Variants in AIM2 observed in about 807,000 individuals in gnomAD.
AIM2 encodes the protein absent in melanoma 2, also known as interferon-inducible protein AIM2.
Under a neutral mutation model 27.7 loss-of-function variants are expected in AIM2, and 30 were observed. The observed-to-expected ratio is 1.08, with a 90% CI of 0.81 to 1.47. AIM2 has a LOEUF of 1.47. Among genes scored for constraint, AIM2 ranks in the 40% most tolerant of loss-of-function variants. The pLI is 0.00. For missense variants in AIM2, 358 were observed against 411.3 expected (o/e 0.87, Z 1.12); for synonymous variants, 141 against 145.3 (o/e 0.97, Z 0.21).
chr1:159,128,930 C>T (rs188079651), intron 1 of AIM2, among the ~76,000 whole-genome samples: 14 of 152,298 alleles, frequency 9.2e-5, no homozygotes, highest in Non-Finnish European at 1.5e-4. Context: ...ATCAAGTCCA[C>T]TTGTCAGAAA....
upstream of AIM2, among the ~76,000 whole-genome samples, chr1:159,079,601 T>G (rs1163277106): frequency 1.3e-5 from 2 of 152,182 alleles, no homozygotes; most frequent in African/African-American, 2.4e-5. Context: ...AAAATTGAGC[T>G]GAAGGTACAG....
intron 3 of AIM2, among the ~76,000 whole-genome samples, chr1:159,067,361 T>C (rs1486831569): frequency 6.6e-6 from 1 of 152,204 alleles, no homozygotes; most frequent in African/African-American, 2.4e-5. Context: ...ATACTACTTT[T>C]TAAAAGCCAC....
chr1:159,115,709 G>C (rs940986619), intron 1 of AIM2, among the ~76,000 whole-genome samples: 1 of 152,136 alleles, frequency 6.6e-6, no homozygotes, highest in Non-Finnish European at 1.5e-5. Flanking sequence ...TTAAATGTTA[G>C]ACCTAAAACC....
chr1:159,135,902 T>C (rs1246356287), intron 1 of AIM2, among the ~76,000 whole-genome samples: 1 of 152,186 alleles, frequency 6.6e-6, no homozygotes, highest in Non-Finnish European at 1.5e-5. Flanking sequence ...CATTTGTTTT[T>C]AGTCTAATTC....
chr1:159,064,049 T>C (rs947651092), intron 4 of AIM2, among the ~76,000 whole-genome samples: 6 of 152,322 alleles, frequency 3.9e-5, no homozygotes, highest in Admixed American at 2.0e-4. Flanking sequence ...CAAAAATATG[T>C]GTTAAGTGAC....
the AIM2 span, chr1:159,055,136 T>C: frequency 6.2e-6 from 2 of 321,968 alleles, no homozygotes; most frequent in Admixed American, 4.5e-5. Context: ...AAATAAACAT[T>C]ATCTTTTTTG....
chr1:159,144,778 A>G (rs1172393086), upstream of AIM2, among the ~76,000 whole-genome samples: 1 of 152,186 alleles, frequency 6.6e-6, no homozygotes, highest in Non-Finnish European at 1.5e-5. Flanking sequence ...TGGGATACAT[A>G]TGATAAATGC....
intron 1 of AIM2, among the ~76,000 whole-genome samples, chr1:159,100,087 T>C (rs571390353): frequency 2.0e-5 from 3 of 152,216 alleles, no homozygotes; most frequent in Non-Finnish European, 4.4e-5. Context: ...AAAATCATCA[T>C]GCAAAGTAAA....
intron 4 of AIM2, among the ~76,000 whole-genome samples, chr1:159,063,918 A>C (rs540390408): frequency 9.2e-5 from 14 of 152,362 alleles, no homozygotes; most frequent in Admixed American, 3.3e-4. Context: ...GAGGATGAAG[A>C]ACTTTATGAT....
chr1:159,092,981 G>C (rs1176759172), intron 1 of AIM2, among the ~76,000 whole-genome samples: 1 of 151,810 alleles, frequency 6.6e-6, no homozygotes, highest in African/African-American at 2.4e-5. Context: ...AGCCAAGATC[G>C]CGCCACTACA....
intron 1 of AIM2, among the ~76,000 whole-genome samples, chr1:159,146,431 G>T (rs1161900733): frequency 6.6e-6 from 1 of 151,764 alleles, no homozygotes. Flanking sequence ...TTTTCTTCTT[G>T]CCATCCCCAT....
At chr1:159,124,913 C>G (rs527462229) in intron 1 of AIM2, among the ~76,000 whole-genome samples, 1 of 152,370 alleles carries the variant, frequency 6.6e-6, no homozygotes, top group Admixed American at 6.5e-5. Flanking sequence ...TCTTTCCAAA[C>G]CACATCAAGC....
chr1:159,103,967 TC>T (rs1278180852), intron 1 of AIM2, among the ~76,000 whole-genome samples: 16 of 151,188 alleles, frequency 1.1e-4, no homozygotes, highest in Admixed American at 9.3e-4. Context: ...GCTATTATTT[TC>T]CCCCAGGATG....
At chr1:159,142,853 T>G (rs1292233130), upstream of AIM2, among the ~76,000 whole-genome samples, 2 of 152,148 alleles carry the variant, frequency 1.3e-5, no homozygotes, top group Non-Finnish European at 2.9e-5. Context: ...CCCAGACACA[T>G]GGGAATAATT....
chr1:159,081,720 A>G, upstream of AIM2: 1 of 223,106 alleles, frequency 4.5e-6, no homozygotes. Context: ...CTTTAAAAAA[A>G]GTCTAAAAGG....
At chr1:159,071,639 A>T (rs1570944289) in intron 2 of AIM2, among the ~76,000 whole-genome samples, 1 of 152,304 alleles carries the variant, frequency 6.6e-6, no homozygotes, top group East Asian at 1.9e-4. Flanking sequence ...CCTCCCAAGT[A>T]GCTGGCATTA....
rs757411702 is a variant in AIM2, at chr1:159,066,330, C to T, written c.397-1G>A. 4.4e-6 allele frequency: 7 copies of T among 1,603,936 alleles called. No individual in the cohort carries two copies. In the South Asian group the frequency reaches 6.7e-5, roughly 15 times the overall value. ...GGGCCACCATCTGTTTCTGTTCAGG[C>T]TGAAGACAAGAGAAGAAAGATATCA... On this transcript the variant is annotated splice_acceptor_variant, in intron 3 of 5. Coordinates refer to ENST00000368130, the MANE Select transcript of AIM2 (RefSeq NM_004833.3). LOFTEE classifies it high-confidence loss of function.
intron 2 of AIM2, among the ~76,000 whole-genome samples, chr1:159,069,702 C>T (rs1656268697): frequency 6.6e-6 from 1 of 152,100 alleles, no homozygotes. Flanking sequence ...GCCACCACGC[C>T]TGACTAATTT....
intron 1 of AIM2, among the ~76,000 whole-genome samples, chr1:159,114,336 T>G (rs1647271523): frequency 6.6e-6 from 1 of 152,170 alleles, no homozygotes. Flanking sequence ...TTTGAGCTAA[T>G]TAGAACAACT....
Sources: allele counts gnomAD v4.1 joint callset (sites outside exome capture counted in the v4.1 genomes callset), GRCh38; gene constraint gnomAD v4.1.1; transcripts MANE v1.5; gene names NCBI Gene and HGNC (gene_info 2026-07-23, HGNC 2026-07-21).